Variants in DNAI1 observed in about 807,000 individuals in gnomAD.
DNAI1 encodes dynein, axonemal, intermediate polypeptide 1.
Under a neutral mutation model 92.0 loss-of-function variants are expected in DNAI1, and 67 were observed. The ratio of observed to expected loss-of-function variants is 0.73; its 90% confidence interval spans 0.60 to 0.89. The LOEUF (loss-of-function observed/expected upper bound fraction) is 0.89. DNAI1 is among the 40% of genes least tolerant of loss of function. The pLI, the probability that DNAI1 is intolerant of heterozygous loss-of-function variation, is 0.00. For synonymous variants in DNAI1, 323 were observed against 319.6 expected (o/e 1.01, Z -0.11); for missense variants, 839 against 866.6 (o/e 0.97, Z 0.40).
At chr9:34,476,146 C>T (rs1048477520) in intron 1 of DNAI1, among the ~76,000 whole-genome samples, 5 of 152,152 alleles carry the variant, frequency 3.3e-5, no homozygotes, top group African/African-American at 1.2e-4. Flanking sequence ...GGAATAATGA[C>T]CGTACAATGC....
At chr9:34,508,216 T>C (rs572334017) in intron 13 of DNAI1, among the ~76,000 whole-genome samples, 85 of 152,312 alleles carry the variant, frequency 5.6e-4, no homozygotes, top group Middle Eastern at 6.8e-3. Flanking sequence ...CTGCCTCTTA[T>C]GGCCCTGAGC....
intron 11 of DNAI1, 51 bp from the exon 12 acceptor site, chr9:34,501,087 G>A (rs368187157): frequency 6.1e-6 from 9 of 1,473,152 alleles, no homozygotes; most frequent in Non-Finnish European, 8.6e-6. Flanking sequence ...CTTGTCCACA[G>A]GAGGGCCATG....
chr9:34,489,190 A>G, intron 4 of DNAI1, 133 bp from the exon 5 acceptor site: 1 of 1,028,344 alleles, frequency 9.7e-7, no homozygotes, highest in Admixed American at 1.7e-5. Context: ...CTTCAGATTA[A>G]CTGAGGATTT....
intron 1 of DNAI1, among the ~76,000 whole-genome samples, chr9:34,461,955 A>G (rs1357035176): frequency 6.6e-6 from 1 of 152,178 alleles, no homozygotes; most frequent in Non-Finnish European, 1.5e-5. Flanking sequence ...TGCAGGTTAG[A>G]GCAGCAGAAA....
intron 1 of DNAI1, among the ~76,000 whole-genome samples, chr9:34,476,618 G>A (rs1320401204): frequency 6.6e-6 from 1 of 152,186 alleles, no homozygotes. Context: ...ATGAGGTAAG[G>A]GGACCCATGC....
chr9:34,464,823 A>G (rs1226476164), intron 1 of DNAI1, among the ~76,000 whole-genome samples: 1 of 152,110 alleles, frequency 6.6e-6, no homozygotes, highest in Non-Finnish European at 1.5e-5. Flanking sequence ...ACAGGGTTCT[A>G]TGGAAGCATG....
chr9:34,477,230 G>C (rs946185940), intron 1 of DNAI1, among the ~76,000 whole-genome samples: 17 of 152,088 alleles, frequency 1.1e-4, no homozygotes, highest in Non-Finnish European at 2.9e-5. Context: ...CGTTGCCCAG[G>C]CTGGTCTTGA....
At chr9:34,494,245 A>C (rs10814114) in intron 9 of DNAI1, among the ~76,000 whole-genome samples, 4 of 151,976 alleles carry the variant, frequency 2.6e-5, no homozygotes, top group African/African-American at 9.7e-5. Context: ...TATGCCTGAG[A>C]TGTGTCCACT....
rs1825268499 is a variant in DNAI1 at position 34,520,813 on chromosome 9, C to T, written c.*57C>T. ...GAATACAGTACTCCTAGGGCTTGAC[C>T]CTGGTACCCAGCCCAGCCTTAGCAC... On this transcript the variant is annotated 3_prime_UTR_variant, in exon 20 of 20. Transcript: ENST00000242317. 6.6e-7 allele frequency: 1 copy of T among 1,518,030 alleles called. No individual in the cohort carries two copies. Among genetic ancestry groups the T allele is most frequent in the Admixed American group, 2.0e-5 (1 of 50,932 alleles). 94.0% of individuals were successfully genotyped at this position (1,518,030 alleles called of 1,614,324 possible).
intron 2 of DNAI1, among the ~76,000 whole-genome samples, chr9:34,484,623 C>T (rs985969351): frequency 6.6e-6 from 1 of 152,150 alleles, no homozygotes; most frequent in Non-Finnish European, 1.5e-5. Flanking sequence ...ACCTTCTAGT[C>T]CTTGATTTTT....
chr9:34,481,249 G>GTAATAA (rs376850507), intron 1 of DNAI1, among the ~76,000 whole-genome samples: 1 of 152,244 alleles, frequency 6.6e-6, no homozygotes, highest in Non-Finnish European at 1.5e-5. Flanking sequence ...TCTCAAAATA[G>GTAATAA]TAATAATAAT....
intron 1 of DNAI1, among the ~76,000 whole-genome samples, chr9:34,463,302 G>GA (rs533291018): frequency 1.7e-3 from 262 of 152,288 alleles, no homozygotes; most frequent in African/African-American, 6.2e-3. Context: ...TAAGGTCAAA[G>GA]AGGTACCTTC....
chr9:34,484,293 T>G (rs1824430700), intron 2 of DNAI1, among the ~76,000 whole-genome samples: 1 of 152,238 alleles, frequency 6.6e-6, no homozygotes, highest in Non-Finnish European at 1.5e-5. Context: ...TCAGTACACC[T>G]AAATCTTTGG....
At chr9:34,493,729 T>A (rs1481748066) in intron 9 of DNAI1, among the ~76,000 whole-genome samples, 1 of 152,178 alleles carries the variant, frequency 6.6e-6, no homozygotes, top group African/African-American at 2.4e-5. Flanking sequence ...TTTTTCACTT[T>A]CAGTACTTGG....
rs1181232369 is a variant in DNAI1 at position 34,485,454 on chromosome 9, C to T, written c.198C>T (p.Phe66=). The change falls in exon 4 of 20, where the codon TTC becomes TTT. Residue 66 remains phenylalanine (F), a synonymous_variant. Transcript: ENST00000242317. The stretch of plus-strand genomic sequence containing the variant: ...TCCCTCAGGAGTTAAAGGAGGAGTT[C>T]ACTCGGATTTTGACAGCCAACAACC... ...ELTDAELKEE[F]TRILTANNPH... 1 of 1,614,130 alleles carries T rather than the reference C, an allele frequency of 6.2e-7. No homozygotes were observed. The highest frequency in any genetic ancestry group is 8.5e-7 in the Non-Finnish European group (1 of 1,180,028).
chr9:34,505,055 A>G (rs1368920296), intron 12 of DNAI1, among the ~76,000 whole-genome samples: 1 of 152,164 alleles, frequency 6.6e-6, no homozygotes, highest in Non-Finnish European at 1.5e-5. Context: ...GTTTGGGTCA[A>G]TTTTCCCTAA....
At chr9:34,497,782 A>C (rs1381652553) in intron 10 of DNAI1, among the ~76,000 whole-genome samples, 4 of 152,154 alleles carry the variant, frequency 2.6e-5, no homozygotes, top group African/African-American at 4.8e-5. Flanking sequence ...GTGTGAGAGA[A>C]GATAGCTACA....
chr9:34,483,250 CTCCT>C (rs1209256773), intron 1 of DNAI1, among the ~76,000 whole-genome samples, 194 bp from the exon 2 acceptor site: 1 of 152,228 alleles, frequency 6.6e-6, no homozygotes, highest in Non-Finnish European at 1.5e-5. Flanking sequence ...GGCTGAAGGG[CTCCT>C]CAAATGCCAC....
intron 12 of DNAI1, among the ~76,000 whole-genome samples, chr9:34,504,626 C>T (rs748739994): frequency 1.2e-4 from 19 of 152,236 alleles, no homozygotes; most frequent in Non-Finnish European, 4.4e-5. Flanking sequence ...TTGATGTATT[C>T]TGTCTCTAAG....
Sources: allele counts gnomAD v4.1 joint callset (sites outside exome capture counted in the v4.1 genomes callset), GRCh38; gene constraint gnomAD v4.1.1; transcripts MANE v1.5; gene names NCBI Gene and HGNC (gene_info 2026-07-23, HGNC 2026-07-21).